Variants in ARHGEF12 observed in about 807,000 individuals in gnomAD.
The protein encoded by ARHGEF12 is Rho guanine nucleotide exchange factor 12.
Under a neutral mutation model 211.2 loss-of-function variants are expected in ARHGEF12, and 66 were observed. The ratio of observed to expected loss-of-function variants is 0.31; its 90% confidence interval spans 0.26 to 0.38. The LOEUF is 0.38. Among genes scored for constraint, ARHGEF12 ranks in the 10% least tolerant of loss-of-function variants. The pLI, the probability that ARHGEF12 is intolerant of heterozygous loss-of-function variation, is 1.00. For missense variants in ARHGEF12, 1,429 were observed against 1,869.5 expected, an observed-to-expected ratio of 0.76 and a Z score of 4.34; for synonymous variants, 592 against 638.4, an observed-to-expected ratio of 0.93 and a Z score of 1.09.
chr11:120,481,154 T>TC lies in ARHGEF12; in HGVS notation c.4238-103dup, dbSNP rs2136008726. The TC allele has an allele frequency of 6.0e-6, 6 of 1,005,408 alleles. No individual in the cohort carries two copies. The South Asian group carries it at 9.7e-5, about 16-fold the overall frequency. 62.3% of individuals were successfully genotyped at this position (1,005,408 alleles called of 1,614,324 possible). ...ACTAAACTCAGGAATTAATGGCTTT[T>TC]CCCTCTCTTAATAACTTTTCAAGTT... On this transcript the variant is annotated intron_variant, in intron 38 of 40. Transcript: ENST00000397843.
chr11:120,371,909 C>G (rs1320122204), intron 1 of ARHGEF12, among the ~76,000 whole-genome samples: 1 of 152,188 alleles, frequency 6.6e-6, no homozygotes, highest in Non-Finnish European at 1.5e-5. Context: ...AGTGAAAGAG[C>G]ACTTTTTCAA....
chr11:120,360,474 C>T (rs1186364785), intron 1 of ARHGEF12, among the ~76,000 whole-genome samples: 1 of 152,084 alleles, frequency 6.6e-6, no homozygotes, highest in African/African-American at 2.4e-5. Flanking sequence ...CTCGCTGCAG[C>T]CTTGACCTCC....
At chr11:120,352,595 C>T (rs1353313543) in intron 1 of ARHGEF12, among the ~76,000 whole-genome samples, 2 of 152,150 alleles carry the variant, frequency 1.3e-5, no homozygotes, top group Non-Finnish European at 2.9e-5. Flanking sequence ...TCTTCTGAGC[C>T]TTAAAACACT....
chr11:120,475,588 C>A, intron 33 of ARHGEF12, 81 bp downstream of exon 33: 1 of 1,416,388 alleles, frequency 7.1e-7, no homozygotes, highest in Non-Finnish European at 9.8e-7. Flanking sequence ...CTCAATAACA[C>A]AAGTGGCATA....
intron 23 of ARHGEF12, 113 bp from the exon 24 acceptor site, chr11:120,457,608 C>T: frequency 4.3e-6 from 3 of 695,740 alleles, no homozygotes; most frequent in South Asian, 3.7e-5. Flanking sequence ...TACAATATCC[C>T]AAAGAATTAT....
chr11:120,477,794 G>A (rs1036256980), intron 36 of ARHGEF12: 1 of 380,190 alleles, frequency 2.6e-6, no homozygotes, highest in Non-Finnish European at 4.6e-6. Flanking sequence ...TTGAACCCAG[G>A]AGGCGGAGGT....
At chr11:120,354,703 T>A (rs1238301489) in intron 1 of ARHGEF12, among the ~76,000 whole-genome samples, 3 of 152,136 alleles carry the variant, frequency 2.0e-5, no homozygotes, top group African/African-American at 7.2e-5. Context: ...ATCATTGGTT[T>A]AAAAAAAGAA....
chr11:120,370,671 A>G (rs1943564284), intron 1 of ARHGEF12, among the ~76,000 whole-genome samples: 1 of 152,146 alleles, frequency 6.6e-6, no homozygotes, highest in South Asian at 2.1e-4. Flanking sequence ...TTGTATCCAA[A>G]AGTCTTAAAA....
intron 4 of ARHGEF12, among the ~76,000 whole-genome samples, chr11:120,414,016 A>G (rs1591559787): frequency 6.6e-6 from 1 of 152,242 alleles, no homozygotes; most frequent in East Asian, 1.9e-4. Context: ...TTTCACTTTC[A>G]AAATATGATC....
At chr11:120,380,519 A>G (rs773700789) in intron 1 of ARHGEF12, among the ~76,000 whole-genome samples, 40 of 152,096 alleles carry the variant, frequency 2.6e-4, no homozygotes, top group Non-Finnish European at 5.0e-4. Flanking sequence ...GACTTTGTAG[A>G]ATGCCCCCCA....
chr11:120,445,499 A>C, intron 16 of ARHGEF12, 35 bp downstream of exon 16: 1 of 1,597,798 alleles, frequency 6.3e-7, no homozygotes, highest in Non-Finnish European at 8.6e-7. Context: ...GGAGAATTAC[A>C]TCTTAATAGA....
chr11:120,345,608 CAGG>C (rs1403535443), intron 1 of ARHGEF12, among the ~76,000 whole-genome samples: 1 of 143,878 alleles, frequency 7.0e-6, no homozygotes, highest in East Asian at 2.0e-4. Context: ...GAGGCTGAGG[CAGG>C]AGAATGGCAT....
intron 28 of ARHGEF12, 106 bp from the exon 29 acceptor site, chr11:120,467,088 A>G: frequency 1.5e-6 from 1 of 666,564 alleles, no homozygotes; most frequent in South Asian, 2.1e-5. Flanking sequence ...AAAGATCTTG[A>G]TTTAATAACC....
At position 120,487,203 on chromosome 11, in the gene ARHGEF12, G is replaced by A. The variant is rs1016321513; in HGVS notation, c.*2126G>A. The stretch of plus-strand genomic sequence containing the variant: ...TAGCACTCAATTAAGAAGCTTGTAG[G>A]TTAGCAAAATTTCAGTTTCTCTAGT... On this transcript the variant is annotated 3_prime_UTR_variant, in exon 41 of 41. Transcript: ENST00000397843. 1.5e-4 allele frequency: 33 copies of A among 218,118 alleles called. No homozygotes were observed. The highest frequency in any genetic ancestry group is 6.5e-4 in the African/African-American group (29 of 44,480). The allele number at this position is 218,118 out of a possible 1,614,324, so 13.5% of individuals were successfully genotyped here. A position where few individuals can be genotyped will look rare whatever the true frequency, so the allele number is the denominator to read the frequency against.
chr11:120,373,047 CTAAGTA>C (rs1160527860), intron 1 of ARHGEF12, among the ~76,000 whole-genome samples: 16 of 152,022 alleles, frequency 1.1e-4, no homozygotes, highest in African/African-American at 3.9e-4. Context: ...GTAATTTTTT[CTAAGTA>C]TAACAATGCT....
intron 40 of ARHGEF12, 113 bp from the exon 41 acceptor site, chr11:120,484,954 T>C (rs914812482): frequency 4.4e-6 from 5 of 1,135,190 alleles, no homozygotes; most frequent in South Asian, 1.4e-5. Context: ...TCTGCTTACA[T>C]ACTGATTCAG....
intron 1 of ARHGEF12, among the ~76,000 whole-genome samples, chr11:120,403,549 C>T (rs1591547799): frequency 6.6e-6 from 1 of 151,368 alleles, no homozygotes; most frequent in Non-Finnish European, 1.5e-5. Flanking sequence ...GCCACCATAT[C>T]CCAGTGATTC....
chr11:120,461,101 G>C (rs2035143434), intron 27 of ARHGEF12, among the ~76,000 whole-genome samples: 1 of 152,128 alleles, frequency 6.6e-6, no homozygotes, highest in African/African-American at 2.4e-5. Context: ...CCAAACTCCT[G>C]TTAATATTGA....
chr11:120,366,934 T>C (rs960117798), intron 1 of ARHGEF12, among the ~76,000 whole-genome samples: 1 of 152,098 alleles, frequency 6.6e-6, no homozygotes, highest in Non-Finnish European at 1.5e-5. Flanking sequence ...GAGAATTGCT[T>C]GAACCTGAGA....
Sources: allele counts gnomAD v4.1 joint callset (sites outside exome capture counted in the v4.1 genomes callset), GRCh38; gene constraint gnomAD v4.1.1; transcripts MANE v1.5; gene names NCBI Gene and HGNC (gene_info 2026-07-23, HGNC 2026-07-21).